The following TMPRSS3 variants were observed in gnomAD, a reference collection of about 807,000 sequenced individuals.
TMPRSS3 encodes transmembrane protease serine 3.
TMPRSS3 carries 55 observed loss-of-function variants against 59.6 expected under a neutral mutation model. The observed-to-expected ratio is 0.92, with a 90% CI of 0.74 to 1.16. The LOEUF (loss-of-function observed/expected upper bound fraction) is 1.16, where lower values mean the gene tolerates loss of function less well. Ranked by LOEUF, TMPRSS3 falls within the 50% of genes most tolerant of loss-of-function variation. The probability of loss-of-function intolerance (pLI) is 0.00; values close to 1 mark genes in which losing one functional copy is unlikely to be tolerated. For missense variants in TMPRSS3, 596 were observed against 579.4 expected (o/e 1.03, Z -0.29); for synonymous variants, 257 against 237.7 (o/e 1.08, Z -0.75).
chr21:42,395,625 T>C (rs1391423820), intron 1 of TMPRSS3, 157 bp from the exon 2 acceptor site: 2 of 610,856 alleles, frequency 3.3e-6, no homozygotes, highest in Non-Finnish European at 6.0e-6. Flanking sequence ...AGAATGCATT[T>C]TCGTCTGAGC....
chr21:42,386,648 C>G (rs1237955746), intron 5 of TMPRSS3, among the ~76,000 whole-genome samples: 1 of 152,214 alleles, frequency 6.6e-6, no homozygotes, highest in African/African-American at 2.4e-5. Flanking sequence ...AACTTCAGTT[C>G]CCCTCCAAGT....
At chr21:42,376,366 A>T (rs763936163) in intron 11 of TMPRSS3, among the ~76,000 whole-genome samples, 175 bp downstream of exon 11, 1 of 152,220 alleles carries the variant, frequency 6.6e-6, no homozygotes, top group Admixed American at 6.5e-5. Flanking sequence ...GCAGAGCCAG[A>T]TCACTGGGTA....
In TMPRSS3 at chr21:42,395,320, T is replaced by C. The variant is rs929750701; in HGVS notation, c.94+4A>G. 1.1e-5 allele frequency: 18 copies of C among 1,613,128 alleles called. No homozygotes were observed. Among genetic ancestry groups the C allele is most frequent in the Non-Finnish European group, 1.4e-5 (16 of 1,179,652 alleles). On this transcript the variant is annotated splice_donor_region_variant and intron_variant, in intron 2 of 12. Transcript: ENST00000644384. Reference sequence around the variant, plus strand: ...TCACAGAGTCCTCACCTGGGTCCACTTACCTGGTGCAACAGGACTTATTTT... The same window carrying C: ...TCACAGAGTCCTCACCTGGGTCCACCTACCTGGTGCAACAGGACTTATTTT...
chr21:42,385,643 T>A, intron 5 of TMPRSS3, 109 bp from the exon 6 acceptor site: 1 of 1,424,736 alleles, frequency 7.0e-7, no homozygotes, highest in Non-Finnish European at 9.8e-7. Context: ...GGGATGTCAT[T>A]TTGTCCCCCC....
chr21:42,383,847 C>G (rs1568884136), intron 7 of TMPRSS3, 123 bp downstream of exon 7: 2 of 1,033,258 alleles, frequency 1.9e-6, no homozygotes, highest in Non-Finnish European at 3.0e-6. Flanking sequence ...ACACAGAGTT[C>G]CCGCCTGGCA....
intron 2 of TMPRSS3, among the ~76,000 whole-genome samples, chr21:42,390,799 G>A (rs1568890852): frequency 6.6e-6 from 1 of 152,162 alleles, no homozygotes; most frequent in Non-Finnish European, 1.5e-5. Context: ...AGGATGGGAG[G>A]AGACACAGGC....
At position 42,386,906 on chromosome 21, in the gene TMPRSS3, A is replaced by C. The variant is rs560147168; in HGVS notation, c.447-1372T>G. ...GAAAATAGAACAAAATGCAGAAATA[A>C]ATCTTAGAAACTGAAGCAATGGATA... On this transcript the variant is annotated intron_variant, in intron 5 of 12. Transcript: ENST00000644384. Among the ~76,000 whole-genome samples the C allele has an allele frequency of 1.7e-4, 26 of 152,338 alleles. No individual in the cohort carries two copies. The East Asian group carries it at 5.0e-3, about 29-fold the overall frequency.
At position 42,388,876 on chromosome 21, in the gene TMPRSS3, G is replaced by A; in HGVS notation, c.322+53C>T. 6.7e-7 allele frequency: 1 copy of A among 1,482,370 alleles called. No individual in the cohort carries two copies. Among genetic ancestry groups the A allele is most frequent in the South Asian group, 1.1e-5 (1 of 88,544 alleles). 91.8% of individuals were successfully genotyped at this position (1,482,370 alleles called of 1,614,324 possible). On this transcript the variant is annotated intron_variant, in intron 4 of 12. Coordinates refer to ENST00000644384, the MANE Select transcript of TMPRSS3 (RefSeq NM_001256317.3). This position sits in a 1 kb window ranked among gnomAD's most constrained non-coding sequence, Gnocchi z 5.1. ...CATTTTACAGATGGGAAGGGTCAGG[G>A]TTGGCTTCTGCTGCTTCCTTCTGTT...
At chr21:42,391,632 C>A (rs192777843) in intron 2 of TMPRSS3, among the ~76,000 whole-genome samples, 1 of 152,204 alleles carries the variant, frequency 6.6e-6, no homozygotes, top group Non-Finnish European at 1.5e-5. Flanking sequence ...CCTGCACGTG[C>A]GGCATACACA....
chr21:42,381,879 G>T, intron 9 of TMPRSS3, 186 bp downstream of exon 9: 1 of 782,042 alleles, frequency 1.3e-6, no homozygotes, highest in Non-Finnish European at 2.2e-6. Context: ...CAAGAGCTAG[G>T]AGCATCACAA....
chr21:42,388,892 T>A lies in TMPRSS3; in HGVS notation c.322+37A>T. The A allele has an allele frequency of 6.3e-7, 1 of 1,581,292 alleles. No homozygotes were observed. The stretch of plus-strand genomic sequence containing the variant: ...AGGGTCAGGGTTGGCTTCTGCTGCT[T>A]CCTTCTGTTTCCCCAGGGGAAGAGC... On this transcript the variant is annotated intron_variant, in intron 4 of 12. Coordinates refer to ENST00000644384, the MANE Select transcript of TMPRSS3 (RefSeq NM_001256317.3). This position sits in a 1 kb window ranked among gnomAD's most constrained non-coding sequence, Gnocchi z 5.1.
chr21:42,373,442 C>T (rs188752819), intron 12 of TMPRSS3, among the ~76,000 whole-genome samples: 114 of 152,316 alleles, frequency 7.5e-4, no homozygotes, highest in African/African-American at 2.4e-3. Context: ...GCGTCACAGA[C>T]GAGCTCCTCC....
At chr21:42,395,044 A>G (rs1568893833) in intron 2 of TMPRSS3, among the ~76,000 whole-genome samples, 2 of 152,178 alleles carry the variant, frequency 1.3e-5, no homozygotes, top group Admixed American at 6.5e-5. Flanking sequence ...GACCTCCTTC[A>G]GGATTGACAG....
rs1568894429 is a variant in TMPRSS3, at chr21:42,395,449, T to C, written c.-32A>G. The C allele has an allele frequency of 6.3e-7, 1 of 1,580,020 alleles. No homozygotes were observed. The highest frequency in any genetic ancestry group is 8.7e-7 in the Non-Finnish European group (1 of 1,149,244). On this transcript the variant is annotated 5_prime_UTR_variant, in exon 2 of 13. Coordinates refer to ENST00000644384, the MANE Select transcript of TMPRSS3 (RefSeq NM_001256317.3). ...TATTTCAGGACCTCTGACATCCGGC[T>C]CCGCCTCCACCTCTACCTCCTTAGC...
At chr21:42,393,253 GA>G (rs11306720) in intron 2 of TMPRSS3, among the ~76,000 whole-genome samples, 135,755 of 150,266 alleles carry the variant, frequency 0.9, 61,349 homozygotes, top group African/African-American at 0.95. Context: ...TCAAGAAAAA[GA>G]AAAAAAAAAA....
chr21:42,387,371 A>AGTGTGTATGT (rs1555854919), intron 5 of TMPRSS3, among the ~76,000 whole-genome samples: 1 of 147,092 alleles, frequency 6.8e-6, no homozygotes, highest in Non-Finnish European at 1.5e-5. Flanking sequence ...AGCTGTGTGC[A>AGTGTGTATGT]GTGTGTGTGT....
At chr21:42,390,116 C>T in intron 2 of TMPRSS3, 79 bp from the exon 3 acceptor site, 1 of 1,068,932 alleles carries the variant, frequency 9.4e-7, no homozygotes, top group South Asian at 1.3e-5. Flanking sequence ...TTTAACTATC[C>T]TTTCCCCCTC....
chr21:42,381,475 G>A (rs2052527284), intron 9 of TMPRSS3, among the ~76,000 whole-genome samples: 1 of 152,192 alleles, frequency 6.6e-6, no homozygotes, highest in South Asian at 2.1e-4. Context: ...CAGGTGGGAG[G>A]CACTGGCTGA....
rs1235521923 is a variant in TMPRSS3 at position 42,375,853 on chromosome 21, G to GC, written c.1206dup (p.Pro403AlafsTer64). On this transcript the variant is annotated frameshift_variant, in exon 12 of 13. Coordinates refer to ENST00000644384, the MANE Select transcript of TMPRSS3 (RefSeq NM_001256317.3). LOFTEE classifies it high-confidence loss of function. ...AGCCTCCTCTCTTGACACACCAGGG[G>GC]CCCCCCGCTGTCCCCCTGGGTGACA... 2 of 1,613,632 alleles carry GC rather than the reference G, an allele frequency of 1.2e-6. No homozygotes were observed. The highest frequency in any genetic ancestry group is 8.5e-7 in the Non-Finnish European group (1 of 1,180,004).
Sources: allele counts gnomAD v4.1 joint callset (sites outside exome capture counted in the v4.1 genomes callset), GRCh38; gene constraint gnomAD v4.1.1; non-coding constraint Gnocchi (gnomAD v3.1); transcripts MANE v1.5; gene names NCBI Gene and HGNC (gene_info 2026-07-23, HGNC 2026-07-21).